Variants in SBSPON observed in about 807,000 individuals in gnomAD.
The protein encoded by SBSPON is somatomedin B and thrombospondin type 1 domain containing.
Under a neutral mutation model 35.8 loss-of-function variants are expected in SBSPON, and 30 were observed. The observed-to-expected ratio is 0.84, with a 90% confidence interval of 0.63 to 1.14. The LOEUF (loss-of-function observed/expected upper bound fraction) is 1.14, where lower values mean the gene tolerates loss of function less well. Among genes scored for constraint, SBSPON ranks in the 50% most tolerant of loss-of-function variants. The pLI, the probability that SBSPON is intolerant of heterozygous loss-of-function variation, is 0.00. For missense variants in SBSPON, 364 were observed against 357.7 expected, an observed-to-expected ratio of 1.02 and a Z score of -0.14; for synonymous variants, 136 against 135.9, an observed-to-expected ratio of 1.00 and a Z score of 0.00.
chr8:73,073,771 T>C (rs1810540501), intron 2 of SBSPON, among the ~76,000 whole-genome samples: 1 of 150,150 alleles, frequency 6.7e-6, no homozygotes, highest in Non-Finnish European at 1.5e-5. Flanking sequence ...ACCACTGCAC[T>C]GCAGCCTGGG....
intron 1 of SBSPON, among the ~76,000 whole-genome samples, chr8:73,089,883 C>T (rs1255115343): frequency 1.3e-5 from 2 of 151,896 alleles, no homozygotes; most frequent in Non-Finnish European, 2.9e-5. Flanking sequence ...CCTGCCCCTA[C>T]TTTTTTTTGA....
intron 1 of SBSPON, among the ~76,000 whole-genome samples, chr8:73,086,969 GT>G (rs1810839841): frequency 6.6e-6 from 1 of 152,170 alleles, no homozygotes; most frequent in African/African-American, 2.4e-5. Context: ...ACATCACCTG[GT>G]GGGGATGGGT....
chr8:73,084,329 T>C (rs1384599766), intron 1 of SBSPON, among the ~76,000 whole-genome samples: 1 of 152,240 alleles, frequency 6.6e-6, no homozygotes, highest in Non-Finnish European at 1.5e-5. Flanking sequence ...CTAATGGAGA[T>C]AGCCAGTCAC....
rs182802103 is a variant in SBSPON at position 73,067,692 on chromosome 8, G to A, written c.678-234C>T. Among the ~76,000 whole-genome samples the A allele has an allele frequency of 7.9e-3, 28 of 3,556 alleles. No individual in the cohort carries two copies. The East Asian group carries it at 0.23, about 29-fold the overall frequency. The allele number at this position is 3,556 out of a possible 152,430, so 2.3% of individuals were successfully genotyped here. ...TGGGTCCACAGGTGCATGCCACCACGTCTGGCTAATTTTTATAAAGAAAAA... is the reference window on the plus strand; with the variant it reads ...TGGGTCCACAGGTGCATGCCACCACATCTGGCTAATTTTTATAAAGAAAAA... On this transcript the variant is annotated intron_variant, in intron 4 of 4. Coordinates refer to ENST00000297354, the MANE Select transcript of SBSPON (RefSeq NM_153225.4).
intron 1 of SBSPON, among the ~76,000 whole-genome samples, chr8:73,091,726 T>C (rs1810938921): frequency 6.6e-6 from 1 of 152,192 alleles, no homozygotes; most frequent in Admixed American, 6.5e-5. Flanking sequence ...ATAATATCAA[T>C]ATTCACAGGT....
Position 73,067,191 on chromosome 8 carries a change from C to T in SBSPON, c.*150G>A. 1 of 539,442 alleles carries T rather than the reference C, an allele frequency of 1.9e-6. No homozygotes were observed. Among genetic ancestry groups the T allele is most frequent in the African/African-American group, 1.9e-5 (1 of 52,920 alleles). 33.4% of individuals were successfully genotyped at this position (539,442 alleles called of 1,614,324 possible). A position where few individuals can be genotyped will look rare whatever the true frequency, so the allele number is the denominator to read the frequency against. Reference sequence around the variant, plus strand: ...ATAAAGGACCTGTGTTCCTTGAGAACTGGCCCCTAAATTTTCTTTCTCTAC... The same window carrying T: ...ATAAAGGACCTGTGTTCCTTGAGAATTGGCCCCTAAATTTTCTTTCTCTAC... On this transcript the variant is annotated 3_prime_UTR_variant, in exon 5 of 5. Coordinates refer to ENST00000297354, the MANE Select transcript of SBSPON (RefSeq NM_153225.4).
chr8:73,073,681 C>T (rs1299840826), intron 2 of SBSPON, among the ~76,000 whole-genome samples: 1 of 151,856 alleles, frequency 6.6e-6, no homozygotes, highest in African/African-American at 2.4e-5. Context: ...TTGTGGCATT[C>T]GGCCATAGAC....
At chr8:73,081,640 AC>A (rs201240677) in intron 1 of SBSPON, among the ~76,000 whole-genome samples, 3,531 of 131,258 alleles carry the variant, frequency 0.027, 143 homozygotes, top group East Asian at 0.2. Flanking sequence ...AACATAAACA[AC>A]AAAAAAAAAA....
At chr8:73,091,626 T>C (rs1470663518) in intron 1 of SBSPON, among the ~76,000 whole-genome samples, 1 of 152,304 alleles carries the variant, frequency 6.6e-6, no homozygotes, top group Middle Eastern at 3.4e-3. Context: ...ATTTCCTAAA[T>C]AGCTGACTCT....
intron 1 of SBSPON, among the ~76,000 whole-genome samples, chr8:73,089,374 T>C (rs1376069435): frequency 6.6e-6 from 1 of 152,116 alleles, no homozygotes; most frequent in Admixed American, 6.5e-5. Context: ...GCCAACATGG[T>C]GAAAACTTGT....
intron 4 of SBSPON, 43 bp downstream of exon 4, chr8:73,069,762 A>G: frequency 6.6e-7 from 1 of 1,522,348 alleles, no homozygotes; most frequent in South Asian, 1.1e-5. Context: ...GATTTCTCAG[A>G]ATGAGTGACA....
intron 1 of SBSPON, among the ~76,000 whole-genome samples, chr8:73,082,838 T>C (rs1315739138): frequency 6.6e-6 from 1 of 152,262 alleles, no homozygotes; most frequent in Non-Finnish European, 1.5e-5. Flanking sequence ...ATTATTTCAA[T>C]GCCTCTTTTC....
Position 73,064,779 on chromosome 8 carries a change from T to G in SBSPON, c.*2562A>C, listed in dbSNP as rs777505196. On this transcript the variant is annotated 3_prime_UTR_variant, in exon 5 of 5. Coordinates refer to ENST00000297354, the MANE Select transcript of SBSPON (RefSeq NM_153225.4). ...TTTTTCCTTCACTTGTTTTTCACTTTTCTCTTCAAAAATGGCCATTATCCC... is the reference window on the plus strand; with the variant it reads ...TTTTTCCTTCACTTGTTTTTCACTTGTCTCTTCAAAAATGGCCATTATCCC... 3 of 152,192 alleles carry G rather than the reference T, an allele frequency of 2.0e-5. No homozygotes were observed. Among genetic ancestry groups the G allele is most frequent in the Admixed American group, 1.3e-4 (2 of 15,272 alleles). 9.4% of individuals were successfully genotyped at this position (152,192 alleles called of 1,614,324 possible).
intron 1 of SBSPON, among the ~76,000 whole-genome samples, chr8:73,086,493 T>A (rs1810828210): frequency 6.6e-6 from 1 of 152,106 alleles, no homozygotes; most frequent in Non-Finnish European, 1.5e-5. Flanking sequence ...CCATGTGTAT[T>A]CCTCTTTCCG....
chr8:73,093,119 T>C lies in SBSPON; in HGVS notation c.-52A>G. ...CGCGACAGACCCCCGGGGCAAGCGC[T>C]CTGATCCTCGGCTGGCCGCGGCCCG... On this transcript the variant is annotated 5_prime_UTR_variant, in exon 1 of 5. Transcript: ENST00000297354. The C allele has an allele frequency of 9.4e-7, 1 of 1,061,184 alleles. No homozygotes were observed. Among genetic ancestry groups the C allele is most frequent in the Non-Finnish European group, 1.2e-6 (1 of 828,188 alleles). 65.7% of individuals were successfully genotyped at this position (1,061,184 alleles called of 1,614,324 possible).
At position 73,074,702 on chromosome 8, in the gene SBSPON, C is replaced by T. The variant is rs1810558602; in HGVS notation, c.410-2832G>A. 7 of 370,738 alleles carry T rather than the reference C, an allele frequency of 1.9e-5. No homozygotes were observed. In the South Asian group the frequency reaches 6.9e-4, roughly 36 times the overall value. The allele number at this position is 370,738 out of a possible 1,614,324, so 23.0% of individuals were successfully genotyped here. A position where few individuals can be genotyped will look rare whatever the true frequency, so the allele number is the denominator to read the frequency against. ...CGAATCATTATGCTCTATGTGAAGT[C>T]AGATTTAAGAAAGGAAAAGAGAAAC... On this transcript the variant is annotated intron_variant, in intron 2 of 4. Coordinates refer to ENST00000297354, the MANE Select transcript of SBSPON (RefSeq NM_153225.4).
Position 73,066,181 on chromosome 8 carries a change from T to C in SBSPON, c.*1160A>G, listed in dbSNP as rs1392417422. ...AAGACTCAATTCTCTAAACTAAATA[T>C]CTTGAATTTAAAATTTACTTCACAA... On this transcript the variant is annotated 3_prime_UTR_variant, in exon 5 of 5. Transcript: ENST00000297354. The C allele has an allele frequency of 6.6e-6, 1 of 152,188 alleles. No homozygotes were observed. Among genetic ancestry groups the C allele is most frequent in the Non-Finnish European group, 1.5e-5 (1 of 68,044 alleles). 9.4% of individuals were successfully genotyped at this position (152,188 alleles called of 1,614,324 possible). A position where few individuals can be genotyped will look rare whatever the true frequency, so the allele number is the denominator to read the frequency against.
At chr8:73,078,121 T>C (rs1485120751) in intron 2 of SBSPON, among the ~76,000 whole-genome samples, 1 of 152,142 alleles carries the variant, frequency 6.6e-6, no homozygotes, top group Non-Finnish European at 1.5e-5. Context: ...CCGAAGCCCC[T>C]GGAAGCCTTG....
rs1182512499 is a variant in SBSPON at position 73,067,392 on chromosome 8, C to T, written c.744G>A (p.Arg248=). The T allele has an allele frequency of 6.2e-7, 1 of 1,612,068 alleles. No homozygotes were observed. The highest frequency in any genetic ancestry group is 2.2e-5 in the East Asian group (1 of 44,774). ...PRCQGTWKKV[R]RVDQCSCPAV... ...CTGGACAAGAACACTGGTCTACTCG[C>T]CGAACTTTTTTCCAAGTTCCTTGAC... Residue 248 remains arginine, a synonymous_variant, in exon 5 of 5, where the codon CGG becomes CGA. Transcript: ENST00000297354.
Sources: allele counts gnomAD v4.1 joint callset (sites outside exome capture counted in the v4.1 genomes callset), GRCh38; gene constraint gnomAD v4.1.1; transcripts MANE v1.5; gene names NCBI Gene and HGNC (gene_info 2026-07-23, HGNC 2026-07-21).